Variants in LRRC37A2 observed in about 807,000 individuals in gnomAD.
LRRC37A2 encodes the protein leucine rich repeat containing 37 member A2, also known as leucine-rich repeat-containing protein 37A2.
Under a neutral mutation model 68.8 loss-of-function variants are expected in LRRC37A2, and 9 were observed. That is an observed-to-expected ratio of 0.13 (90% CI 0.08 to 0.23). The LOEUF is 0.23. Among genes scored for constraint, LRRC37A2 ranks in the 10% least tolerant of loss-of-function variants. The pLI, the probability that LRRC37A2 is intolerant of heterozygous loss-of-function variation, is 1.00. For synonymous variants in LRRC37A2, 63 were observed against 367.6 expected (o/e 0.17, Z 9.48); for missense variants, 168 against 950.4 (o/e 0.18, Z 10.82).
chr17:46,718,960 A>G, the LRRC37A2 span, among the ~76,000 whole-genome samples: 8 of 152,232 alleles, frequency 5.3e-5, no homozygotes, highest in African/African-American at 1.9e-4. Context: ...TAGTGCTATC[A>G]AAACTCTTAG....
At chr17:46,832,671 A>G in the LRRC37A2 span, 1 of 151,920 alleles carries the variant, frequency 6.6e-6, no homozygotes, top group Middle Eastern at 3.2e-3. Flanking sequence ...ACGCCTGGGG[A>G]TTATGGATGA....
chr17:46,767,325 TGA>T, the LRRC37A2 span, among the ~76,000 whole-genome samples: 3 of 152,162 alleles, frequency 2.0e-5, no homozygotes, highest in African/African-American at 7.2e-5. Context: ...ATAAACTCGG[TGA>T]GAGTGCTCCC....
chr17:46,998,927 T>A, the LRRC37A2 span: 1 of 152,310 alleles, frequency 6.6e-6, no homozygotes, highest in African/African-American at 2.4e-5. Flanking sequence ...CATGGAAGAA[T>A]CATCCTTAGC....
the LRRC37A2 span, among the ~76,000 whole-genome samples, chr17:46,981,882 T>C: frequency 2.6e-5 from 4 of 152,114 alleles, no homozygotes; most frequent in Non-Finnish European, 5.9e-5. Flanking sequence ...TTTTATTTTT[T>C]GTTCAGACAG....
chr17:46,890,593 G>C, the LRRC37A2 span, among the ~76,000 whole-genome samples: 1 of 152,236 alleles, frequency 6.6e-6, no homozygotes, highest in Non-Finnish European at 1.5e-5. Flanking sequence ...TTGCAACTGA[G>C]AGACTCCTGG....
At chr17:46,988,055 C>T in the LRRC37A2 span, among the ~76,000 whole-genome samples, 2 of 152,104 alleles carry the variant, frequency 1.3e-5, no homozygotes, top group Non-Finnish European at 2.9e-5. Flanking sequence ...GCCTATAGTC[C>T]CAGCTACTCG....
At chr17:46,860,172 G>A in the LRRC37A2 span, among the ~76,000 whole-genome samples, 1 of 152,152 alleles carries the variant, frequency 6.6e-6, no homozygotes, top group African/African-American at 2.4e-5. Flanking sequence ...TCCAGAGTTG[G>A]GCTGAGAGTC....
the LRRC37A2 span, among the ~76,000 whole-genome samples, chr17:46,844,934 G>A: frequency 4.6e-5 from 7 of 151,774 alleles, no homozygotes; most frequent in East Asian, 1.2e-3. Context: ...TGCAACCTCC[G>A]CCTCCCAGCT....
the LRRC37A2 span, chr17:46,940,042 C>T: frequency 9.4e-7 from 1 of 1,062,876 alleles, no homozygotes; most frequent in South Asian, 3.4e-5. Flanking sequence ...TTGTCCTGCC[C>T]TACCTGCTCT....
chr17:46,691,339 A>G, the LRRC37A2 span, among the ~76,000 whole-genome samples: 3 of 96,578 alleles, frequency 3.1e-5, no homozygotes, highest in African/African-American at 4.4e-5. Context: ...TCACGCCTGT[A>G]ATCCCAGCAC....
At chr17:47,043,520 C>T in the LRRC37A2 span, among the ~76,000 whole-genome samples, 2 of 151,106 alleles carry the variant, frequency 1.3e-5, no homozygotes, top group African/African-American at 2.4e-5. Context: ...AAAATGTGGT[C>T]TCTGCCCTCA....
the LRRC37A2 span, among the ~76,000 whole-genome samples, chr17:46,868,447 A>AC: frequency 7.9e-5 from 12 of 151,434 alleles, no homozygotes; most frequent in African/African-American, 2.9e-4. Flanking sequence ...CACAAAAAAA[A>AC]TAGCTGGGCG....
the LRRC37A2 span, among the ~76,000 whole-genome samples, chr17:46,860,515 A>G: frequency 1.3e-5 from 2 of 152,240 alleles, no homozygotes; most frequent in Non-Finnish European, 2.9e-5. Flanking sequence ...GGCAAGTCAG[A>G]TAACCATTCT....
chr17:46,485,988 A>C, the LRRC37A2 span, among the ~76,000 whole-genome samples: 2 of 79,668 alleles, frequency 2.5e-5, no homozygotes, highest in African/African-American at 7.5e-5. Flanking sequence ...AAAAAAAAAA[A>C]AAAAAAAAAC....
At chr17:46,738,947 C>T in the LRRC37A2 span, among the ~76,000 whole-genome samples, 1 of 150,292 alleles carries the variant, frequency 6.7e-6, no homozygotes, top group Non-Finnish European at 1.5e-5. Flanking sequence ...ACTAAAAATA[C>T]AAAAAAGTCC....
At chr17:46,755,364 A>AGGAGC in the LRRC37A2 span, 1 of 1,612,758 alleles carries the variant, frequency 6.2e-7, no homozygotes, top group Non-Finnish European at 8.5e-7. Flanking sequence ...TAAGAGAAGA[A>AGGAGC]GGAGCGTAAG....
chr17:47,000,058 T>C, the LRRC37A2 span, among the ~76,000 whole-genome samples: 1 of 25,958 alleles, frequency 3.9e-5, no homozygotes, highest in Non-Finnish European at 1.1e-4. Flanking sequence ...TAAAATAAAA[T>C]AAAATTAAAA....
the LRRC37A2 span, chr17:46,726,682 G>T: frequency 7.4e-7 from 1 of 1,357,022 alleles, no homozygotes. Context: ...AAAGTTACAA[G>T]AGAAAATTAA....
the LRRC37A2 span, among the ~76,000 whole-genome samples, chr17:47,039,930 C>T: frequency 1.3e-5 from 2 of 151,704 alleles, no homozygotes; most frequent in African/African-American, 4.8e-5. Context: ...CTTCGGCCTG[C>T]TGTAATGTGC....
Sources: gnomAD v4.1 joint callset for allele counts (sites outside exome capture counted in the v4.1 genomes callset) on GRCh38, gnomAD v4.1.1 for gene constraint, MANE v1.5 for transcripts, NCBI Gene and HGNC (gene_info 2026-07-23, HGNC 2026-07-21) for gene names.